Variants in B4GALT5 observed in about 807,000 individuals in gnomAD.
B4GALT5 encodes the protein beta-1,4-galactosyltransferase 5.
B4GALT5 carries 11 observed loss-of-function variants against 45.0 expected under a neutral mutation model. That is an observed-to-expected ratio of 0.24 (90% CI 0.15 to 0.40). The LOEUF is 0.40. B4GALT5 is among the 10% of genes least tolerant of loss of function. B4GALT5 has a pLI of 1.00. For synonymous variants in B4GALT5, 185 were observed against 182.9 expected, an observed-to-expected ratio of 1.01 and a Z score of -0.09; for missense variants, 337 against 500.2, an observed-to-expected ratio of 0.67 and a Z score of 3.11.
rs561206955 is a variant in B4GALT5, at chr20:49,682,065, C to T, written c.116-25363G>A. Among the ~76,000 whole-genome samples, 7 of 152,298 alleles carry T rather than the reference C, an allele frequency of 4.6e-5. No homozygotes were observed. In the East Asian group the frequency reaches 1.4e-3, roughly 29 times the overall value. Reference sequence around the variant, plus strand: ...GAGCTTCCATTGCATCACTGCACTCCAGCCTGGACAAAGGAGCCAGACCCT... The same window carrying T: ...GAGCTTCCATTGCATCACTGCACTCTAGCCTGGACAAAGGAGCCAGACCCT... On this transcript the variant is annotated intron_variant, in intron 1 of 8. Transcript: ENST00000371711.
Position 49,634,997 on chromosome 20 carries a change from T to C in B4GALT5, c.*1315A>G, listed in dbSNP as rs2085545083. On this transcript the variant is annotated 3_prime_UTR_variant, in exon 9 of 9. Transcript: ENST00000371711. ...AATCCGGTCTTACCTGGATCCCAGC[T>C]GCCCCACAGCACACAAGTGTCACCA... 6.6e-6 allele frequency: 1 copy of C among 152,284 alleles called. No individual in the cohort carries two copies. The highest frequency in any genetic ancestry group is 1.5e-5 in the Non-Finnish European group (1 of 68,078). 9.4% of individuals were successfully genotyped at this position (152,284 alleles called of 1,614,324 possible). A position where few individuals can be genotyped will look rare whatever the true frequency, so the allele number is the denominator to read the frequency against.
chr20:49,712,017 T>A (rs554051504), intron 1 of B4GALT5, among the ~76,000 whole-genome samples: 2 of 152,152 alleles, frequency 1.3e-5, no homozygotes, highest in Non-Finnish European at 2.9e-5. Flanking sequence ...TCTAGCAGAA[T>A]TTACTCTCCC....
At chr20:49,702,884 T>C (rs1293787646) in intron 1 of B4GALT5, among the ~76,000 whole-genome samples, 2 of 150,632 alleles carry the variant, frequency 1.3e-5, no homozygotes, top group South Asian at 2.1e-4. Flanking sequence ...TAAAAAATAG[T>C]GATTACTGGC....
chr20:49,654,986 T>G (rs1255874991), intron 2 of B4GALT5, among the ~76,000 whole-genome samples: 2 of 151,908 alleles, frequency 1.3e-5, no homozygotes, highest in Non-Finnish European at 1.5e-5. Flanking sequence ...ATACAAAAAA[T>G]GAGCCACGGT....
chr20:49,679,277 T>G (rs970278042), intron 1 of B4GALT5, among the ~76,000 whole-genome samples: 17 of 152,250 alleles, frequency 1.1e-4, no homozygotes, highest in Admixed American at 1.0e-3. Context: ...TCGTTGTTGT[T>G]GTTTCGCAAT....
chr20:49,661,951 T>C (rs1433103013), intron 1 of B4GALT5, among the ~76,000 whole-genome samples: 1 of 152,200 alleles, frequency 6.6e-6, no homozygotes, highest in Non-Finnish European at 1.5e-5. Context: ...CATTCAGGTC[T>C]ACACAATTAG....
chr20:49,712,067 A>G (rs1392267858), intron 1 of B4GALT5, among the ~76,000 whole-genome samples: 1 of 152,206 alleles, frequency 6.6e-6, no homozygotes, highest in Non-Finnish European at 1.5e-5. Context: ...ATTTTTCACC[A>G]TAAACTGAGG....
chr20:49,636,524 G>A (rs2085554672), intron 8 of B4GALT5, 65 bp from the exon 9 acceptor site: 2 of 1,571,476 alleles, frequency 1.3e-6, no homozygotes, highest in African/African-American at 2.7e-5. Context: ...GCAGCCAGAG[G>A]ATGGAGCAGG....
intron 1 of B4GALT5, among the ~76,000 whole-genome samples, chr20:49,677,461 T>C (rs969355975): frequency 5.3e-5 from 8 of 152,180 alleles, no homozygotes; most frequent in Non-Finnish European, 8.8e-5. Flanking sequence ...TTTTATCCCC[T>C]TTCACACCAT....
intron 1 of B4GALT5, among the ~76,000 whole-genome samples, chr20:49,697,166 G>T (rs890833489): frequency 6.6e-6 from 1 of 152,188 alleles, no homozygotes; most frequent in East Asian, 1.9e-4. Context: ...AACAGCTAAA[G>T]AAATTAACAA....
At chr20:49,683,385 ATTT>A (rs66503719) in intron 1 of B4GALT5, among the ~76,000 whole-genome samples, 7 of 96,624 alleles carry the variant, frequency 7.2e-5, no homozygotes, top group African/African-American at 4.1e-5. Flanking sequence ...ACAGGTTTAA[ATTT>A]TTTTTTTTTT....
intron 1 of B4GALT5, among the ~76,000 whole-genome samples, chr20:49,680,907 T>A (rs369931261): frequency 2.0e-5 from 3 of 152,108 alleles, no homozygotes; most frequent in Non-Finnish European, 4.4e-5. Context: ...TATTTTACCA[T>A]ATATTTTACC....
chr20:49,637,381 T>C lies in B4GALT5; in HGVS notation c.979A>G (p.Ile327Val), dbSNP rs566269311. Residue 327 changes from isoleucine to valine, a missense_variant, in exon 8 of 9, where the codon ATT becomes GTT. Physicochemically the swap from Ile to Val is conservative, Grantham distance 29. Transcript: ENST00000371711. The stretch of plus-strand genomic sequence containing the variant: ...ACTTCTCCTCGATGGTGATGAGGAA[T>C]GGACTTGTACTTTCCTGTGTCACCC... ...PEGDTGKYKS[I>V]PHHHRGEVQF... is the part of the protein sequence containing the mutation. The C allele has an allele frequency of 3.1e-6, 5 of 1,614,132 alleles. No individual in the cohort carries two copies. In the Admixed American group the frequency reaches 8.3e-5, roughly 27 times the overall value.
At chr20:49,696,409 G>A (rs962997356) in intron 1 of B4GALT5, among the ~76,000 whole-genome samples, 2 of 152,132 alleles carry the variant, frequency 1.3e-5, no homozygotes, top group African/African-American at 4.8e-5. Flanking sequence ...CATCGAAGGG[G>A]CTAGAATTTC....
chr20:49,687,090 G>A (rs1363113338), intron 1 of B4GALT5, among the ~76,000 whole-genome samples: 1 of 152,054 alleles, frequency 6.6e-6, no homozygotes, highest in African/African-American at 2.4e-5. Context: ...AGTATCTGGG[G>A]GCATTTTTCG....
At chr20:49,641,571 C>A (rs2122996697) in intron 5 of B4GALT5, among the ~76,000 whole-genome samples, 1 of 152,294 alleles carries the variant, frequency 6.6e-6, no homozygotes, top group Admixed American at 6.5e-5. Context: ...GGCAGATAGA[C>A]CGTTAGCATT....
intron 1 of B4GALT5, among the ~76,000 whole-genome samples, chr20:49,663,612 GA>G (rs527733499): frequency 1.2e-4 from 17 of 147,262 alleles, no homozygotes; most frequent in Non-Finnish European, 2.5e-4. Context: ...GCTGAAGTAG[GA>G]GGCTGGCTTG....
Position 49,647,067 on chromosome 20 carries a change from C to G in B4GALT5, c.262G>C (p.Asp88His). 6.2e-7 allele frequency: 1 copy of G among 1,612,530 alleles called. No individual in the cohort carries two copies. The highest frequency in any genetic ancestry group is 8.5e-7 in the Non-Finnish European group (1 of 1,178,936). ...AGGAAGGTTTCACTGTGGTTCAAGT[C>G]AAGAGGATAATCTAGGGAGGTAAAG... ...SSVNDSDYPL[D>H]LNHSETFLQT... The change falls in exon 3 of 9, where the codon GAC becomes CAC. Residue 88 changes from aspartate (D) to histidine (H), a missense_variant. Asp to His is a moderately conservative substitution (Grantham distance 81). Around this residue, in one of 2 missense-constraint regions of B4GALT5, gnomAD observed 174 missense variants for 207.4 expected, o/e 0.84. Transcript: ENST00000371711.
At chr20:49,703,093 G>A (rs188237808) in intron 1 of B4GALT5, among the ~76,000 whole-genome samples, 213 of 143,360 alleles carry the variant, frequency 1.5e-3, no homozygotes, top group African/African-American at 4.8e-3. Flanking sequence ...AGAATGGCAC[G>A]AACCCGGGAG....
Sources: allele counts gnomAD v4.1 joint callset (sites outside exome capture counted in the v4.1 genomes callset), GRCh38; gene constraint gnomAD v4.1.1; regional missense constraint gnomAD v4.1.1; transcripts MANE v1.5; gene names NCBI Gene and HGNC (gene_info 2026-07-23, HGNC 2026-07-21).